Variants in TRIM2 observed in about 807,000 individuals in gnomAD.
TRIM2 encodes the protein tripartite motif containing 2.
A neutral mutation model predicts 75.2 loss-of-function variants in TRIM2; 20 were observed. The ratio of observed to expected loss-of-function variants is 0.27; its 90% CI spans 0.19 to 0.39. TRIM2 has a LOEUF of 0.39. Ranked by LOEUF, TRIM2 falls within the 10% of genes least tolerant of loss-of-function variation. TRIM2 has a pLI of 1.00. For synonymous variants in TRIM2, 373 were observed against 388.3 expected (o/e 0.96, Z 0.46); for missense variants, 660 against 990.8 (o/e 0.67, Z 4.48).
Position 153,252,606 on chromosome 4 carries a change from G to C in TRIM2, c.31-17729G>C, listed in dbSNP as rs541776966. Among the ~76,000 whole-genome samples, 39 of 152,272 alleles carry C rather than the reference G, an allele frequency of 2.6e-4. No individual in the cohort carries two copies. The South Asian group carries it at 6.4e-3, about 25-fold the overall frequency. On this transcript the variant is annotated intron_variant, in intron 1 of 11. Coordinates refer to ENST00000338700, the MANE Select transcript of TRIM2 (RefSeq NM_015271.5). ...GGCTCACTGCAACCTCTGCTGCCCA[G>C]GTTCAAGATTCTCCTGCCTCAGCCT...
rs190739576 is a variant in TRIM2, at chr4:153,304,361, G to A, written c.1510+8325G>A. ...ACTCCTGGCCTCAAGTGATCTGCCC[G>A]CCTTGGCCTCCTAAAGTGCTGGGAT... On this transcript the variant is annotated intron_variant, in intron 6 of 11. Transcript: ENST00000338700. 2.9e-4 allele frequency among the ~76,000 whole-genome samples: 44 copies of A among 152,152 alleles called. No individual in the cohort carries two copies. In the East Asian group the frequency reaches 4.3e-3, roughly 15 times the overall value.
chr4:153,239,338 C>A (rs948869840), intron 1 of TRIM2, among the ~76,000 whole-genome samples: 2 of 138,626 alleles, frequency 1.4e-5, no homozygotes, highest in Admixed American at 7.3e-5. Context: ...GGAGACACAG[C>A]GTGACTCCGT....
At chr4:153,323,970 C>A in intron 9 of TRIM2, 108 bp from the exon 10 acceptor site, 1 of 864,454 alleles carries the variant, frequency 1.2e-6, no homozygotes, top group Non-Finnish European at 1.8e-6. Flanking sequence ...ATTCTTTGTA[C>A]TTTCTTAAAT....
At chr4:153,170,184 G>A (rs1730703466) in intron 1 of TRIM2, among the ~76,000 whole-genome samples, 1 of 152,136 alleles carries the variant, frequency 6.6e-6, no homozygotes, top group South Asian at 2.1e-4. Context: ...AGAATGAAGG[G>A]TAAGAGACAA....
At chr4:153,243,106 A>G (rs997310334) in intron 1 of TRIM2, among the ~76,000 whole-genome samples, 1 of 152,220 alleles carries the variant, frequency 6.6e-6, no homozygotes, top group African/African-American at 2.4e-5. Flanking sequence ...AAAGGATGAC[A>G]GTCTTCTGCC....
chr4:153,308,168 A>T, intron 6 of TRIM2: 1 of 1,317,640 alleles, frequency 7.6e-7, no homozygotes, highest in South Asian at 1.2e-5. Flanking sequence ...CCCCAGCGTC[A>T]TAGAGATCCC....
intron 3 of TRIM2, among the ~76,000 whole-genome samples, chr4:153,285,751 ATG>A (rs202078337): frequency 4.9e-5 from 7 of 142,264 alleles, no homozygotes; most frequent in African/African-American, 1.7e-4. Context: ...AATTGTGTGA[ATG>A]TGTGTGCGTG....
At chr4:153,274,056 T>G (rs1304305956) in intron 2 of TRIM2, among the ~76,000 whole-genome samples, 3 of 152,222 alleles carry the variant, frequency 2.0e-5, no homozygotes, top group Non-Finnish European at 4.4e-5. Flanking sequence ...ATGTAGGTGC[T>G]AGGCCATATG....
At chr4:153,154,075 A>G (rs897971530) in intron 1 of TRIM2, among the ~76,000 whole-genome samples, 1 of 152,192 alleles carries the variant, frequency 6.6e-6, no homozygotes, top group African/African-American at 2.4e-5. Context: ...CAGAGCTGGC[A>G]TCATGCAAGG....
intron 1 of TRIM2, among the ~76,000 whole-genome samples, chr4:153,215,670 A>G (rs1459171903): frequency 6.6e-6 from 1 of 152,154 alleles, no homozygotes; most frequent in African/African-American, 2.4e-5. Flanking sequence ...TATTTATTAA[A>G]AATTTCAACA....
intron 1 of TRIM2, among the ~76,000 whole-genome samples, chr4:153,225,746 G>A (rs1267221047): frequency 6.6e-6 from 1 of 152,176 alleles, no homozygotes; most frequent in African/African-American, 2.4e-5. Flanking sequence ...TTTATGTATG[G>A]TTAGAGGGTT....
intron 1 of TRIM2, among the ~76,000 whole-genome samples, chr4:153,260,422 C>T (rs1292532942): frequency 6.6e-6 from 1 of 151,990 alleles, no homozygotes; most frequent in Admixed American, 6.6e-5. Flanking sequence ...AAAGGTGAGG[C>T]AATGGCCTTC....
chr4:153,296,092 T>G (rs1401253002), intron 6 of TRIM2, 56 bp downstream of exon 6: 1 of 1,496,316 alleles, frequency 6.7e-7, no homozygotes, highest in Non-Finnish European at 8.9e-7. Flanking sequence ...AAGGGGTAAC[T>G]GGGCACGTGT....
intron 6 of TRIM2, among the ~76,000 whole-genome samples, chr4:153,304,754 G>T (rs903434352): frequency 2.0e-5 from 3 of 152,184 alleles, no homozygotes; most frequent in African/African-American, 4.8e-5. Context: ...TACAGAATTA[G>T]AATCTCTTGA....
chr4:153,161,993 A>G (rs1413810894), intron 1 of TRIM2, among the ~76,000 whole-genome samples: 3 of 152,368 alleles, frequency 2.0e-5, no homozygotes, highest in South Asian at 2.1e-4. Context: ...TCGTGTGTAC[A>G]TTCTCTCTGC....
At chr4:153,231,024 T>G (rs543900040) in intron 1 of TRIM2, among the ~76,000 whole-genome samples, 2 of 152,342 alleles carry the variant, frequency 1.3e-5, no homozygotes, top group South Asian at 4.1e-4. Context: ...TCAAGTGACT[T>G]TTCCAGTAAA....
chr4:153,234,096 A>G (rs1277349552), intron 1 of TRIM2, among the ~76,000 whole-genome samples: 2 of 152,224 alleles, frequency 1.3e-5, no homozygotes, highest in African/African-American at 2.4e-5. Context: ...AATGGCTTCA[A>G]TCCCCATAAA....
intron 1 of TRIM2, among the ~76,000 whole-genome samples, chr4:153,267,881 TG>T: frequency 6.6e-6 from 1 of 152,192 alleles, no homozygotes. Context: ...GGGATTGCAA[TG>T]GAGAAAGAGT....
intron 1 of TRIM2, among the ~76,000 whole-genome samples, chr4:153,171,591 CACAAA>C (rs974327388): frequency 2.0e-5 from 3 of 151,432 alleles, no homozygotes; most frequent in East Asian, 1.9e-4. Flanking sequence ...ATCTCAAAAA[CACAAA>C]ACAAAACAAA....
Sources: allele counts gnomAD v4.1 joint callset (sites outside exome capture counted in the v4.1 genomes callset), GRCh38; gene constraint gnomAD v4.1.1; transcripts MANE v1.5; gene names NCBI Gene and HGNC (gene_info 2026-07-23, HGNC 2026-07-21).